RSPRY1: variants seen among roughly 807,000 people sequenced by gnomAD.
RSPRY1 encodes RING finger and SPRY domain-containing protein 1.
RSPRY1 carries 23 observed loss-of-function variants against 73.1 expected under a neutral mutation model. The observed-to-expected ratio is 0.31, with a 90% CI of 0.23 to 0.45. The LOEUF is 0.45. Ranked by LOEUF, RSPRY1 falls within the 20% of genes least tolerant of loss-of-function variation. The pLI, the probability that RSPRY1 is intolerant of heterozygous loss-of-function variation, is 1.00. For missense variants in RSPRY1, 448 were observed against 698.7 expected (o/e 0.64, Z 4.05); for synonymous variants, 226 against 251.4 (o/e 0.90, Z 0.95).
intron 10 of RSPRY1, among the ~76,000 whole-genome samples, chr16:57,225,716 TTTC>T (rs1848701043): frequency 6.6e-6 from 1 of 152,240 alleles, no homozygotes; most frequent in South Asian, 2.1e-4. Context: ...CTCAAAATAA[TTTC>T]TTAAGATCTC....
At chr16:57,196,420 G>T (rs1218307190) in intron 1 of RSPRY1, among the ~76,000 whole-genome samples, 1 of 152,138 alleles carries the variant, frequency 6.6e-6, no homozygotes, top group Non-Finnish European at 1.5e-5. Flanking sequence ...TTCCTGCTGT[G>T]CCAGGTTCTG....
At chr16:57,189,593 C>CTTTTTTTTTTTT (rs544146883) in intron 1 of RSPRY1, among the ~76,000 whole-genome samples, 11 of 124,066 alleles carry the variant, frequency 8.9e-5, no homozygotes, top group Non-Finnish European at 1.3e-4. Flanking sequence ...CTTTTCTTTT[C>CTTTTTTTTTTTT]TTTTTTTTTT....
intron 1 of RSPRY1, among the ~76,000 whole-genome samples, chr16:57,201,115 C>CCCAGGCGGAGTGGCTG (rs1354582278): frequency 6.6e-6 from 1 of 151,936 alleles, no homozygotes; most frequent in Admixed American, 6.5e-5. Flanking sequence ...CTCCTCACTT[C>CCCAGGCGGAGTGGCTG]CCAGGCGGAG....
rs138912532 is a variant in RSPRY1 at position 57,210,358 on chromosome 16, G to A, written c.516+1171G>A. Among the ~76,000 whole-genome samples, 1,076 of 152,214 alleles carry A rather than the reference G, an allele frequency of 7.1e-3. 7 individuals are homozygous for A. The highest frequency in any genetic ancestry group is 0.011 in the Non-Finnish European group (726 of 68,002). ...GCTTCTCAAAGTGTTGGGATTATAC[G>A]TGTAAGCCACTGTGCCCAGCCTAGG... On this transcript the variant is annotated intron_variant, in intron 4 of 14. Coordinates refer to ENST00000394420, the MANE Select transcript of RSPRY1 (RefSeq NM_133368.3).
At chr16:57,207,301 C>T (rs2074744266) in intron 2 of RSPRY1, among the ~76,000 whole-genome samples, 1 of 151,228 alleles carries the variant, frequency 6.6e-6, no homozygotes, top group African/African-American at 2.4e-5. Context: ...GATTAAATGA[C>T]TTAAGATGAT....
At position 57,232,637 on chromosome 16, in the gene RSPRY1, C is replaced by T. The variant is rs536381306; in HGVS notation, c.1529+1318C>T. ...AAGGGACAATTGATCCATCTAAGTTCCCATGGGGACTGGACATAGTTAAAA... is the reference window on the plus strand; with the variant it reads ...AAGGGACAATTGATCCATCTAAGTTTCCATGGGGACTGGACATAGTTAAAA... On this transcript the variant is annotated intron_variant, in intron 13 of 14. Transcript: ENST00000394420. 1.9e-4 allele frequency among the ~76,000 whole-genome samples: 29 copies of T among 152,270 alleles called. No homozygotes were observed. The South Asian group carries it at 5.4e-3, about 28-fold the overall frequency.
intron 11 of RSPRY1, among the ~76,000 whole-genome samples, chr16:57,230,356 C>T (rs895020896): frequency 6.6e-6 from 1 of 152,132 alleles, no homozygotes; most frequent in Non-Finnish European, 1.5e-5. Context: ...GGGTAGTTAT[C>T]TAGGGAATTA....
rs970045397 is a variant in RSPRY1, at chr16:57,212,294, G to C, written c.517-678G>C. Among the ~76,000 whole-genome samples the C allele has an allele frequency of 2.2e-4, 33 of 152,320 alleles. 1 individual carries two copies. The highest frequency in any genetic ancestry group is 3.4e-3 in the Middle Eastern group (1 of 294). On this transcript the variant is annotated intron_variant, in intron 4 of 14. Coordinates refer to ENST00000394420, the MANE Select transcript of RSPRY1 (RefSeq NM_133368.3). ...TCACTGCACAGCAGCCTGGGAAACA[G>C]AGCAAGAGCAAAAAGAAAAGAAGAA...
chr16:57,192,332 TG>T lies in RSPRY1; in HGVS notation c.-156+5887del, dbSNP rs1482352768. Among the ~76,000 whole-genome samples the T allele has an allele frequency of 3.9e-5, 6 of 152,312 alleles. No individual in the cohort carries two copies. The East Asian group carries it at 1.2e-3, about 29-fold the overall frequency. On this transcript the variant is annotated intron_variant, in intron 1 of 14. Coordinates refer to ENST00000394420, the MANE Select transcript of RSPRY1 (RefSeq NM_133368.3). ...CATGATCTCCTATTATTTGGCCTCC[TG>T]GGGGGAAAACCACAAGTACTACGGA...
intron 1 of RSPRY1, among the ~76,000 whole-genome samples, chr16:57,194,073 A>G (rs1190095486): frequency 3.9e-5 from 6 of 152,166 alleles, no homozygotes. Flanking sequence ...TTAAAAAAAA[A>G]AAAGATTTGC....
rs2074686897 is a variant in RSPRY1, at chr16:57,204,542, AT to A, written c.-116del. Reference sequence around the variant, plus strand: ...TGTCCAGAATCCCCTGTAGTTGATAATGTTGGGAATAAGCTCTGCAACTTTC... The same window carrying A: ...TGTCCAGAATCCCCTGTAGTTGATAAGTTGGGAATAAGCTCTGCAACTTTC... On this transcript the variant is annotated 5_prime_UTR_variant, in exon 2 of 15. An upstream start codon of the reference 5' UTR is lost. Transcript: ENST00000394420. 1 of 842,014 alleles carries A rather than the reference AT, an allele frequency of 1.2e-6. No homozygotes were observed. Among genetic ancestry groups the A allele is most frequent in the African/African-American group, 1.7e-5 (1 of 59,182 alleles). 52.2% of individuals were successfully genotyped at this position (842,014 alleles called of 1,614,324 possible). A position where few individuals can be genotyped will look rare whatever the true frequency, so the allele number is the denominator to read the frequency against.
chr16:57,215,189 T>G (rs1385120843), intron 6 of RSPRY1, among the ~76,000 whole-genome samples: 1 of 152,050 alleles, frequency 6.6e-6, no homozygotes, highest in Non-Finnish European at 1.5e-5. Context: ...GTTTCTTAGC[T>G]AAGGGAACAT....
chr16:57,212,919 A>T, intron 4 of RSPRY1, 53 bp from the exon 5 acceptor site: 1 of 1,554,554 alleles, frequency 6.4e-7, no homozygotes, highest in South Asian at 1.2e-5. Context: ...TGAGCCTGGG[A>T]AAACAACCTG....
intron 4 of RSPRY1, among the ~76,000 whole-genome samples, chr16:57,211,217 T>C (rs2074836708): frequency 6.7e-6 from 1 of 149,938 alleles, no homozygotes; most frequent in South Asian, 2.1e-4. Context: ...TCAGTTAAGC[T>C]CAGGAGTTTG....
chr16:57,216,069 ATTTTTT>A (rs11391063), intron 6 of RSPRY1, 32 bp from the exon 7 acceptor site: 7 of 1,200,294 alleles, frequency 5.8e-6, no homozygotes, highest in Non-Finnish European at 7.0e-6. Flanking sequence ...CAGGGGAATG[ATTTTTT>A]TTTTTTTTTT....
intron 11 of RSPRY1, among the ~76,000 whole-genome samples, chr16:57,228,046 G>A (rs1474256428): frequency 6.6e-6 from 1 of 152,130 alleles, no homozygotes; most frequent in African/African-American, 2.4e-5. Context: ...GGCTGAGGCA[G>A]GTGGATTGCT....
chr16:57,207,566 A>G (rs1487292045), intron 2 of RSPRY1: 6 of 455,784 alleles, frequency 1.3e-5, no homozygotes, highest in Admixed American at 1.2e-4. Context: ...CATTTTATGA[A>G]GTCTAAGCAT....
At chr16:57,235,042 C>A in intron 13 of RSPRY1, 82 bp from the exon 14 acceptor site, 1 of 936,392 alleles carries the variant, frequency 1.1e-6, no homozygotes, top group Non-Finnish European at 1.7e-6. Context: ...AGGTGCAGAG[C>A]ATTTTCAAAA....
At position 57,220,833 on chromosome 16, in the gene RSPRY1, C is replaced by T; in HGVS notation, c.1003C>T (p.Pro335Ser). The change falls in exon 9 of 15, where the codon CCT becomes TCT. Residue 335 changes from proline to serine, a missense_variant. By Grantham distance (74) the Pro-to-Ser change is moderately conservative. Coordinates refer to ENST00000394420, the MANE Select transcript of RSPRY1 (RefSeq NM_133368.3). ...NDVSEYLKIS[P>S]HGLEARCDAS... ...TGTCAGCGAGTACCTGAAGATCTCA[C>T]CTCATGGCTTAGAGGTAGGTAATGC... 1.2e-6 allele frequency: 2 copies of T among 1,610,908 alleles called. No homozygotes were observed. The highest frequency in any genetic ancestry group is 1.1e-5 in the South Asian group (1 of 91,022).
Sources: allele counts gnomAD v4.1 joint callset (sites outside exome capture counted in the v4.1 genomes callset), GRCh38; gene constraint gnomAD v4.1.1; transcripts MANE v1.5; gene names NCBI Gene and HGNC (gene_info 2026-07-23, HGNC 2026-07-21).